The following DNAJC8 variants were observed in gnomAD, a reference collection of about 807,000 sequenced individuals.
DNAJC8 encodes the protein dnaJ homolog subfamily C member 8.
DNAJC8 carries 24 observed loss-of-function variants against 43.2 expected under a neutral mutation model. The ratio of observed to expected loss-of-function variants is 0.56; its 90% CI spans 0.40 to 0.78. The LOEUF (loss-of-function observed/expected upper bound fraction) is 0.78. Among genes scored for constraint, DNAJC8 ranks in the 30% least tolerant of loss-of-function variants. The pLI, the probability that DNAJC8 is intolerant of heterozygous loss-of-function variation, is 0.00. For missense variants in DNAJC8, 207 were observed against 299.4 expected (o/e 0.69, Z 2.28); for synonymous variants, 83 against 98.0 (o/e 0.85, Z 0.90).
rs370236951 is a variant in DNAJC8, at chr1:28,233,006, G to A, written c.-8C>T. On this transcript the variant is annotated 5_prime_UTR_variant, in exon 1 of 9. Coordinates refer to ENST00000263697, the MANE Select transcript of DNAJC8 (RefSeq NM_014280.3). ...CTCTCCTGAAGCCGCCATTTCCCCG[G>A]CCCAGCCACCACGTGACCCTTCTGC... 119 of 1,611,070 alleles carry A rather than the reference G, an allele frequency of 7.4e-5. 1 individual carries two copies. In the East Asian group the frequency reaches 9.6e-4, roughly 13 times the overall value.
intron 7 of DNAJC8, 60 bp downstream of exon 7, chr1:28,205,198 G>T: frequency 1.5e-6 from 2 of 1,296,710 alleles, no homozygotes; most frequent in South Asian, 1.3e-5. Flanking sequence ...AATCACCAAA[G>T]ACCAATGTTA....
chr1:28,215,978 G>A (rs1415200452), intron 2 of DNAJC8, among the ~76,000 whole-genome samples: 1 of 152,024 alleles, frequency 6.6e-6, no homozygotes, highest in East Asian at 1.9e-4. Context: ...TCTGGTCTCA[G>A]CCTCTTGAGC....
intron 8 of DNAJC8, 140 bp downstream of exon 8, chr1:28,203,607 C>A: frequency 3.7e-6 from 3 of 804,814 alleles, no homozygotes. Flanking sequence ...CTGAGGCAGG[C>A]CCAGCCTCAT....
Position 28,232,974 on chromosome 1 carries a change from T to C in DNAJC8, c.25A>G (p.Thr9Ala), listed in dbSNP as rs748949399. ...TCGGTGCTGCCTCCGCCGCCTGAAG[T>C]CCCGCTCTCTCCTGAAGCCGCCATT... MAASGESGTSGGGGSTEEA... is the reference protein window; with the variant it reads MAASGESGASGGGGSTEEA... Residue 9 changes from threonine to alanine, a missense_variant, in exon 1 of 9, where the codon ACT (threonine) becomes GCT (alanine). Thr to Ala is a moderately conservative substitution (Grantham distance 58, BLOSUM62 0). Transcript: ENST00000263697. 5.0e-6 allele frequency: 8 copies of C among 1,612,706 alleles called. No individual in the cohort carries two copies. Among genetic ancestry groups the C allele is most frequent in the South Asian group, 2.2e-5 (2 of 91,072 alleles).
chr1:28,206,431 T>A (rs1482964738), intron 6 of DNAJC8, among the ~76,000 whole-genome samples: 1 of 148,910 alleles, frequency 6.7e-6, no homozygotes, highest in East Asian at 2.1e-4. Flanking sequence ...ATGTATAATA[T>A]CCACTAAGGT....
In DNAJC8 at chr1:28,226,008, T is replaced by C. The variant is rs913372610; in HGVS notation, c.180+2914A>G. Among the ~76,000 whole-genome samples the C allele has an allele frequency of 6.0e-5, 9 of 150,432 alleles. 1 individual carries two copies. Among genetic ancestry groups the C allele is most frequent in the African/African-American group, 2.2e-4 (9 of 40,946 alleles). ...CGTGAGCCACCACACCTGGCCAAAATGGCAAATTTTATGTTATATATATTT... is the reference window on the plus strand; with the variant it reads ...CGTGAGCCACCACACCTGGCCAAAACGGCAAATTTTATGTTATATATATTT... On this transcript the variant is annotated intron_variant, in intron 2 of 8. Coordinates refer to ENST00000263697, the MANE Select transcript of DNAJC8 (RefSeq NM_014280.3).
intron 7 of DNAJC8, 86 bp from the exon 8 acceptor site, chr1:28,203,908 G>T: frequency 2.3e-6 from 3 of 1,302,904 alleles, no homozygotes; most frequent in Non-Finnish European, 3.3e-6. Context: ...ACAGAAGCAA[G>T]CATATATAGT....
rs1646787224 is a variant in DNAJC8 at position 28,208,603 on chromosome 1, A to C, written c.400-190T>G. The C allele has an allele frequency of 1.3e-5, 5 of 377,050 alleles. No homozygotes were observed. In the East Asian group the frequency reaches 2.0e-4, roughly 15 times the overall value. 23.4% of individuals were successfully genotyped at this position (377,050 alleles called of 1,614,324 possible). On this transcript the variant is annotated intron_variant, in intron 5 of 8. Transcript: ENST00000263697. ...GAATCAAGGAAAATTAGGAACCACAAGTCCTTTTTCTAATCTCATCTAAAA... is the reference window on the plus strand; with the variant it reads ...GAATCAAGGAAAATTAGGAACCACACGTCCTTTTTCTAATCTCATCTAAAA...
rs1284860363 is a variant in DNAJC8, at chr1:28,228,983, T to C, written c.119A>G (p.Lys40Arg). ...IEKRDSVLTS[K>R]NQIERLTRPG... ...ACGGGTCAGTCTTTCAATCTGATTT[T>C]TCGAAGTTAGAACCGAGTCTCTCTT... Residue 40 changes from lysine (K) to arginine (R), a missense_variant, in exon 2 of 9, where the codon AAA (lysine) becomes AGA (arginine). Lys to Arg is a conservative substitution (Grantham distance 26). This residue lies in a region of DNAJC8 where 159 missense variants were observed against 267.5 expected (regional missense o/e 0.59). Transcript: ENST00000263697. 2 of 1,613,898 alleles carry C rather than the reference T, an allele frequency of 1.2e-6. No homozygotes were observed. The highest frequency in any genetic ancestry group is 1.7e-6 in the Non-Finnish European group (2 of 1,180,004).
chr1:28,214,051 G>C (rs1325425879), intron 3 of DNAJC8, among the ~76,000 whole-genome samples: 1 of 151,928 alleles, frequency 6.6e-6, no homozygotes, highest in African/African-American at 2.4e-5. Flanking sequence ...AAAAAGGCTG[G>C]GGGGAGGGTT....
At chr1:28,232,841 G>A (rs1646990129) in intron 1 of DNAJC8, 80 bp downstream of exon 1, 4 of 1,483,332 alleles carry the variant, frequency 2.7e-6, no homozygotes, top group Admixed American at 1.7e-5. Context: ...TCCAGGCCAG[G>A]CGGCCACTGC....
rs1315555675 is a variant in DNAJC8 at position 28,200,857 on chromosome 1, G to C, written c.*391C>G. On this transcript the variant is annotated 3_prime_UTR_variant, in exon 9 of 9. Coordinates refer to ENST00000263697, the MANE Select transcript of DNAJC8 (RefSeq NM_014280.3). ...TTCCTAAGGTGCCCCTTCCAGGCTT[G>C]TCTCTGAAGTCACAGCAACACTGTT... 1 of 359,732 alleles carries C rather than the reference G, an allele frequency of 2.8e-6. No individual in the cohort carries two copies. The highest frequency in any genetic ancestry group is 3.8e-5 in the Admixed American group (1 of 26,302). 22.3% of individuals were successfully genotyped at this position (359,732 alleles called of 1,614,324 possible). A position where few individuals can be genotyped will look rare whatever the true frequency, so the allele number is the denominator to read the frequency against.
In DNAJC8 at chr1:28,210,559, A is replaced by G; in HGVS notation, c.304+12T>C. On this transcript the variant is annotated intron_variant, in intron 4 of 8. Transcript: ENST00000263697. ...CAATCTAATACTCAGAAGCAGGTAA[A>G]TTTACAAATACCTTCAAAAGCCTTT... The G allele has an allele frequency of 1.2e-6, 2 of 1,612,684 alleles. No individual in the cohort carries two copies. Among genetic ancestry groups the G allele is most frequent in the Non-Finnish European group, 1.7e-6 (2 of 1,178,856 alleles).
At chr1:28,209,890 CTATGTTCA>C in intron 5 of DNAJC8, 74 bp downstream of exon 5, 1 of 1,247,650 alleles carries the variant, frequency 8.0e-7, no homozygotes, top group Admixed American at 1.8e-5. Flanking sequence ...GTAGGCATTA[CTATGTTCA>C]TATGTACCCT....
At position 28,200,499 on chromosome 1, in the gene DNAJC8, C is replaced by T. The variant is rs538707143; in HGVS notation, c.*749G>A. The T allele has an allele frequency of 8.8e-6, 4 of 456,500 alleles. No homozygotes were observed. The highest frequency in any genetic ancestry group is 6.2e-5 in the South Asian group (4 of 64,568). 28.3% of individuals were successfully genotyped at this position (456,500 alleles called of 1,614,324 possible). On this transcript the variant is annotated 3_prime_UTR_variant, in exon 9 of 9. Coordinates refer to ENST00000263697, the MANE Select transcript of DNAJC8 (RefSeq NM_014280.3). ...TCCAACCCCAAAGCATTTTGGGGTTCAGCCAAGCCAGACAAGGGACCCACA... is the reference window on the plus strand; with the variant it reads ...TCCAACCCCAAAGCATTTTGGGGTTTAGCCAAGCCAGACAAGGGACCCACA...
intron 2 of DNAJC8, among the ~76,000 whole-genome samples, chr1:28,228,252 G>C (rs1285323646): frequency 6.6e-6 from 1 of 151,392 alleles, no homozygotes; most frequent in Non-Finnish European, 1.5e-5. Context: ...GGGAGGCTGA[G>C]GCAGGAGAAT....
intron 1 of DNAJC8, among the ~76,000 whole-genome samples, chr1:28,229,591 T>G (rs1646959879): frequency 6.6e-6 from 1 of 152,012 alleles, no homozygotes; most frequent in Non-Finnish European, 1.5e-5. Flanking sequence ...CTGGCCAACA[T>G]GGTGAAACCC....
At chr1:28,218,014 C>T (rs115479325) in intron 2 of DNAJC8, among the ~76,000 whole-genome samples, 3,443 of 151,226 alleles carry the variant, frequency 0.023, 182 homozygotes, top group African/African-American at 0.078. Context: ...AGTTACTTGA[C>T]GTTGTTTTCC....
intron 1 of DNAJC8, 85 bp from the exon 2 acceptor site, chr1:28,229,108 A>G: frequency 1.8e-6 from 2 of 1,126,316 alleles, no homozygotes; most frequent in Non-Finnish European, 2.6e-6. Flanking sequence ...TGATATGTTC[A>G]ACAAACATTT....
Sources: gnomAD v4.1 joint callset for allele counts (sites outside exome capture counted in the v4.1 genomes callset) on GRCh38, gnomAD v4.1.1 for gene constraint, gnomAD v4.1.1 regional missense constraint, MANE v1.5 for transcripts, NCBI Gene and HGNC (gene_info 2026-07-23, HGNC 2026-07-21) for gene names.